Variants in POLR3E observed in about 807,000 individuals in gnomAD.
POLR3E encodes the protein RNA polymerase III subunit E.
A neutral mutation model predicts 96.6 loss-of-function variants in POLR3E; 41 were observed. The ratio of observed to expected loss-of-function variants is 0.42; its 90% confidence interval spans 0.33 to 0.55. The LOEUF is 0.55. POLR3E is among the 20% of genes least tolerant of loss of function. The pLI is 0.06. For synonymous variants in POLR3E, 396 were observed against 383.6 expected, an observed-to-expected ratio of 1.03 and a Z score of -0.38; for missense variants, 849 against 952.1, an observed-to-expected ratio of 0.89 and a Z score of 1.43.
At position 22,317,190 on chromosome 16, in the gene POLR3E, G is replaced by C; in HGVS notation, c.849G>C (p.Lys283Asn). ...CGCTGCCCCTGGCCGATCAGATCAA[G>C]ATCCTGATGAAGAATGGTGGGTGCC... ...LRTLPLADQI[K>N]ILMKNVKVMP... Residue 283 changes from lysine to asparagine, a missense_variant, in exon 12 of 21, where the codon AAG (lysine) becomes AAC (asparagine). Coordinates refer to ENST00000299853, the MANE Select transcript of POLR3E (RefSeq NM_018119.4). The C allele has an allele frequency of 6.2e-7, 1 of 1,612,894 alleles. No individual in the cohort carries two copies. Among genetic ancestry groups the C allele is most frequent in the South Asian group, 1.1e-5 (1 of 91,084 alleles).
chr16:22,309,988 G>T (rs947191588), intron 6 of POLR3E: 1 of 167,248 alleles, frequency 6.0e-6, no homozygotes, highest in Non-Finnish European at 1.3e-5. Context: ...GAAACAGAAT[G>T]TGGTCCATTC....
intron 14 of POLR3E, 65 bp from the exon 15 acceptor site, chr16:22,324,289 T>G: frequency 1.5e-6 from 2 of 1,361,488 alleles, no homozygotes. Flanking sequence ...GCCAGGTGAG[T>G]TCCCGGGACA....
intron 19 of POLR3E, among the ~76,000 whole-genome samples, chr16:22,330,987 C>CTTT (rs2048725757): frequency 3.4e-5 from 2 of 59,460 alleles, no homozygotes; most frequent in Non-Finnish European, 9.6e-5. Context: ...CATGAAGCAT[C>CTTT]CTTTTTTTTT....
rs373484027 is a variant in POLR3E, at chr16:22,324,285, T to G, written c.1069-69T>G. The G allele has an allele frequency of 6.9e-6, 9 of 1,296,948 alleles. No individual in the cohort carries two copies. The African/African-American group carries it at 7.3e-5, about 10-fold the overall frequency. 80.3% of individuals were successfully genotyped at this position (1,296,948 alleles called of 1,614,324 possible). A position where few individuals can be genotyped will look rare whatever the true frequency, so the allele number is the denominator to read the frequency against. ...GGCTCCAGCTCCCAGGCCTGCCAGG[T>G]GAGTTCCCGGGACAGTCCTGGGAGC... On this transcript the variant is annotated intron_variant, in intron 14 of 20. Transcript: ENST00000299853.
chr16:22,311,677 G>A (rs1434800608), intron 6 of POLR3E, among the ~76,000 whole-genome samples: 3 of 151,284 alleles, frequency 2.0e-5, no homozygotes, highest in African/African-American at 7.3e-5. Context: ...AAAATTTTTT[G>A]TTGAGGTGGG....
intron 6 of POLR3E, among the ~76,000 whole-genome samples, chr16:22,312,172 G>T (rs2048260791): frequency 6.6e-6 from 1 of 152,128 alleles, no homozygotes; most frequent in Admixed American, 6.5e-5. Flanking sequence ...GGTTGTGCTG[G>T]CTGCACAGCT....
chr16:22,298,603 C>T (rs1426640134), intron 1 of POLR3E, among the ~76,000 whole-genome samples: 1 of 152,114 alleles, frequency 6.6e-6, no homozygotes, highest in Non-Finnish European at 1.5e-5. Flanking sequence ...AAGCTCTTAC[C>T]CACTTAACCA....
rs369101591 is a variant in POLR3E at position 22,306,449 on chromosome 16, T to C, written c.87+1243T>C. The stretch of plus-strand genomic sequence containing the variant: ...TTTGTATTTTTAGTAGAGATGGGGT[T>C]TCACTATGTTGGCCAGCCTGGTCTC... On this transcript the variant is annotated intron_variant, in intron 3 of 20. Transcript: ENST00000299853. Among the ~76,000 whole-genome samples, 17 of 152,262 alleles carry C rather than the reference T, an allele frequency of 1.1e-4. No homozygotes were observed. In the East Asian group the frequency reaches 1.9e-3, roughly 17 times the overall value.
rs762296208 is a variant in POLR3E at position 22,325,939 on chromosome 16, C to G, written c.1527C>G (p.Asp509Glu). 18 of 1,594,388 alleles carry G rather than the reference C, an allele frequency of 1.1e-5. No homozygotes were observed. In the African/African-American group the frequency reaches 1.6e-4, roughly 14 times the overall value. The change falls in exon 18 of 21, where the codon GAC (aspartate) becomes GAG (glutamate). Residue 509 changes from aspartate to glutamate, a missense_variant. Transcript: ENST00000299853. ...EEPVSEEGEE[D>E]EEQEAEEEPM... is the part of the protein sequence containing the mutation. ...CCGTGAGCGAGGAGGGCGAGGAGGA[C>G]GAGGAGCAGGAGGCGGAGGAGGAGC...
At chr16:22,310,341 C>CA (rs1309412044) in intron 6 of POLR3E, 1 of 153,572 alleles carries the variant, frequency 6.5e-6, no homozygotes, top group Admixed American at 6.5e-5. Context: ...GGCTGGAGTG[C>CA]AGTGGCACAG....
At position 22,326,207 on chromosome 16, in the gene POLR3E, T is replaced by A; in HGVS notation, c.1795T>A (p.Phe599Ile). 6.2e-7 allele frequency: 1 copy of A among 1,613,464 alleles called. No individual in the cohort carries two copies. Among genetic ancestry groups the A allele is most frequent in the Non-Finnish European group, 8.5e-7 (1 of 1,179,816 alleles). ...CAGCCTGCCCCCCGGCCACACACTCTTCAGCGGCATCTCGGACCGCATGCT... is the reference window on the plus strand; with the variant it reads ...CAGCCTGCCCCCCGGCCACACACTCATCAGCGGCATCTCGGACCGCATGCT... ...LASLPPGHTL[F>I]SGISDRMLQD... The change falls in exon 18 of 21, where the codon TTC (phenylalanine) becomes ATC (isoleucine). Residue 599 changes from phenylalanine (F) to isoleucine (I), a missense_variant. By Grantham distance (21) the Phe-to-Ile change is conservative (BLOSUM62 0). Transcript: ENST00000299853.
chr16:22,312,666 A>G (rs2048270352), intron 6 of POLR3E, among the ~76,000 whole-genome samples: 1 of 152,088 alleles, frequency 6.6e-6, no homozygotes, highest in South Asian at 2.1e-4. Context: ...GGAGATCAAG[A>G]CTATCCTGGC....
At chr16:22,306,372 C>T (rs1009914365) in intron 3 of POLR3E, among the ~76,000 whole-genome samples, 6 of 152,204 alleles carry the variant, frequency 3.9e-5, no homozygotes, top group Non-Finnish European at 8.8e-5. Context: ...GATTCTGCCT[C>T]AGCATCCTGA....
chr16:22,320,950 C>G (rs766799703), intron 13 of POLR3E, among the ~76,000 whole-genome samples: 2 of 152,144 alleles, frequency 1.3e-5, no homozygotes, highest in Non-Finnish European at 2.9e-5. Context: ...TTAGGAGTTT[C>G]TCTGTTTTTG....
intron 1 of POLR3E, among the ~76,000 whole-genome samples, chr16:22,301,131 G>T (rs1489156245): frequency 1.4e-5 from 2 of 142,500 alleles, no homozygotes; most frequent in Non-Finnish European, 3.1e-5. Flanking sequence ...ACCGGAAAGA[G>T]GTGAAGGGGG....
chr16:22,319,993 C>A (rs1320483943), intron 13 of POLR3E, among the ~76,000 whole-genome samples: 1 of 152,066 alleles, frequency 6.6e-6, no homozygotes, highest in Non-Finnish European at 1.5e-5. Context: ...CTATTTTTTC[C>A]TGCTAACTTG....
rs951539228 is a variant in POLR3E at position 22,309,488 on chromosome 16, T to C, written c.342T>C (p.Tyr114=). ...AGACCACCAGTAACACATCCCGTTA[T>C]GCCGCTGCACTCTACAGGCAAGGTA... is the stretch of plus-strand genomic sequence containing the variant. ...SSQTTSNTSR[Y]AAALYRQGEL... is the part of the protein sequence containing the mutation. The change falls in exon 6 of 21, where the codon TAT becomes TAC. Residue 114 remains tyrosine, a synonymous_variant. Transcript: ENST00000299853. 4.2e-5 allele frequency: 68 copies of C among 1,612,738 alleles called. No individual in the cohort carries two copies. Among genetic ancestry groups the C allele is most frequent in the African/African-American group, 8.0e-5 (6 of 74,880 alleles).
intron 1 of POLR3E, among the ~76,000 whole-genome samples, chr16:22,298,605 A>C (rs935824725): frequency 1.3e-5 from 2 of 152,148 alleles, no homozygotes; most frequent in African/African-American, 4.8e-5. Flanking sequence ...GCTCTTACCC[A>C]CTTAACCATA....
Position 22,333,633 on chromosome 16 carries a change from C to T in POLR3E, c.2071-11C>T, listed in dbSNP as rs1185889684. ...GCAAAAATCTGTGCTTACCCTGTTT[C>T]TCTCTCATAGGACTGCTGTGTAAGC... On this transcript the variant is annotated splice_polypyrimidine_tract_variant and intron_variant, in intron 20 of 20. Coordinates refer to ENST00000299853, the MANE Select transcript of POLR3E (RefSeq NM_018119.4). 2 of 1,602,860 alleles carry T rather than the reference C, an allele frequency of 1.2e-6. No homozygotes were observed. The highest frequency in any genetic ancestry group is 1.7e-6 in the Non-Finnish European group (2 of 1,169,790).
Sources: allele counts gnomAD v4.1 joint callset (sites outside exome capture counted in the v4.1 genomes callset), GRCh38; gene constraint gnomAD v4.1.1; transcripts MANE v1.5; gene names NCBI Gene and HGNC (gene_info 2026-07-23, HGNC 2026-07-21).